Variants in ANKS1B observed in about 807,000 individuals in gnomAD.
ANKS1B encodes ankyrin repeat and sterile alpha motif domain-containing protein 1B.
Under a neutral mutation model 148.3 loss-of-function variants are expected in ANKS1B, and 36 were observed. That is an observed-to-expected ratio of 0.24 (90% CI 0.19 to 0.32). ANKS1B has a LOEUF of 0.32. Ranked by LOEUF, ANKS1B falls within the 10% of genes least tolerant of loss-of-function variation. The pLI, the probability that ANKS1B is intolerant of heterozygous loss-of-function variation, is 1.00. For synonymous variants in ANKS1B, 542 were observed against 560.8 expected (o/e 0.97, Z 0.47); for missense variants, 1,157 against 1,542.6 (o/e 0.75, Z 4.19).
intron 17 of ANKS1B, among the ~76,000 whole-genome samples, chr12:98,988,236 T>C (rs1189299908): frequency 1.3e-5 from 2 of 152,152 alleles, no homozygotes; most frequent in African/African-American, 4.8e-5. Flanking sequence ...TTGTTATCTT[T>C]TGATCAACAT....
At chr12:99,921,068 A>T (rs1478759968) in intron 1 of ANKS1B, among the ~76,000 whole-genome samples, 1 of 152,186 alleles carries the variant, frequency 6.6e-6, no homozygotes, top group Non-Finnish European at 1.5e-5. Flanking sequence ...TCTTTCTATC[A>T]GAGGCTTCAG....
At chr12:99,567,199 T>C (rs2097403952) in intron 9 of ANKS1B, among the ~76,000 whole-genome samples, 1 of 152,186 alleles carries the variant, frequency 6.6e-6, no homozygotes, top group African/African-American at 2.4e-5. Context: ...GCCGTCAGTT[T>C]ATATAAGCTG....
intron 17 of ANKS1B, among the ~76,000 whole-genome samples, chr12:98,840,564 T>G (rs554191338): frequency 6.6e-6 from 1 of 152,162 alleles, no homozygotes; most frequent in Non-Finnish European, 1.5e-5. Context: ...TATGAGGAAA[T>G]GAGATCATCT....
intron 14 of ANKS1B, chr12:99,154,906 A>G: frequency 6.5e-7 from 1 of 1,535,352 alleles, no homozygotes; most frequent in Non-Finnish European, 8.7e-7. Context: ...AATAGCCATC[A>G]GATAAGGCAG....
intron 15 of ANKS1B, among the ~76,000 whole-genome samples, chr12:99,105,997 T>A (rs2059130141): frequency 6.6e-6 from 1 of 152,156 alleles, no homozygotes; most frequent in African/African-American, 2.4e-5. Flanking sequence ...GAGTGGTTTC[T>A]AGGAATATAG....
At chr12:99,265,186 T>C (rs116471693) in intron 12 of ANKS1B, among the ~76,000 whole-genome samples, 2,180 of 152,268 alleles carry the variant, frequency 0.014, 50 homozygotes, top group African/African-American at 0.05. Flanking sequence ...GTGGTTCTCA[T>C]AGTGTGGACC....
intron 9 of ANKS1B, among the ~76,000 whole-genome samples, chr12:99,650,741 T>C (rs1320787366): frequency 6.6e-6 from 1 of 152,126 alleles, no homozygotes; most frequent in Non-Finnish European, 1.5e-5. Context: ...TTCTTGGAGA[T>C]AGAAAAATAA....
At position 98,825,032 on chromosome 12, in the gene ANKS1B, G is replaced by A. The variant is rs943272432; in HGVS notation, c.3066+4142C>T. On this transcript the variant is annotated intron_variant, in intron 19 of 26. Coordinates refer to ENST00000683438, the MANE Select transcript of ANKS1B (RefSeq NM_001352186.2). ...ATTTTAATACAGAGGCAGGCACAGG[G>A]CATCAGGGACTATAGAAGAACAAGG... Among the ~76,000 whole-genome samples the A allele has an allele frequency of 6.6e-5, 10 of 152,160 alleles. No individual in the cohort carries two copies. The East Asian group carries it at 1.5e-3, about 24-fold the overall frequency.
At chr12:99,839,769 A>G (rs1258883023) in intron 1 of ANKS1B, among the ~76,000 whole-genome samples, 7 of 152,138 alleles carry the variant, frequency 4.6e-5, no homozygotes, top group African/African-American at 1.7e-4. Context: ...TTCAGGTCAC[A>G]TGGCCCCTAC....
intron 14 of ANKS1B, among the ~76,000 whole-genome samples, chr12:99,211,196 A>G (rs1487069871): frequency 6.6e-6 from 1 of 152,238 alleles, no homozygotes; most frequent in Admixed American, 6.5e-5. Context: ...GAAAATGTAT[A>G]GGAAGCCATT....
chr12:99,442,015 T>C (rs993397596), intron 11 of ANKS1B, among the ~76,000 whole-genome samples: 2 of 151,946 alleles, frequency 1.3e-5, no homozygotes, highest in African/African-American at 4.8e-5. Context: ...TATTAACATA[T>C]ATAGGACAAT....
chr12:98,863,214 G>A (rs893157018), intron 17 of ANKS1B, among the ~76,000 whole-genome samples: 1 of 152,112 alleles, frequency 6.6e-6, no homozygotes, highest in African/African-American at 2.4e-5. Context: ...CCTCCTAATG[G>A]TAAGTGTTTA....
intron 17 of ANKS1B, among the ~76,000 whole-genome samples, chr12:98,881,103 T>C (rs1008992153): frequency 6.6e-6 from 1 of 152,206 alleles, no homozygotes; most frequent in African/African-American, 2.4e-5. Flanking sequence ...GAAAATAGTA[T>C]GGAAAGTGGA....
At chr12:99,134,125 G>A (rs979554973) in intron 15 of ANKS1B, among the ~76,000 whole-genome samples, 8 of 152,036 alleles carry the variant, frequency 5.3e-5, no homozygotes, top group Admixed American at 2.0e-4. Context: ...TATAGACAAC[G>A]ATTTTTTTCC....
chr12:99,623,678 C>A (rs1056240282), intron 9 of ANKS1B, among the ~76,000 whole-genome samples: 3 of 151,928 alleles, frequency 2.0e-5, no homozygotes, highest in African/African-American at 7.2e-5. Context: ...AATAAAATAC[C>A]TAGGAATACA....
At chr12:99,796,398 G>A (rs949951430) in intron 4 of ANKS1B, among the ~76,000 whole-genome samples, 1 of 151,988 alleles carries the variant, frequency 6.6e-6, no homozygotes, top group African/African-American at 2.4e-5. Flanking sequence ...GATAAAGGTT[G>A]GGTGGGCGGC....
At chr12:98,997,490 C>T (rs904668171) in intron 17 of ANKS1B, among the ~76,000 whole-genome samples, 2 of 151,336 alleles carry the variant, frequency 1.3e-5, no homozygotes, top group African/African-American at 4.9e-5. Context: ...CACTCTCTGC[C>T]TCCTGGGTTC....
chr12:99,307,142 T>G lies in ANKS1B; in HGVS notation c.1757-60278A>C, dbSNP rs192135072. Among the ~76,000 whole-genome samples, 134 of 152,258 alleles carry G rather than the reference T, an allele frequency of 8.8e-4. 1 individual carries two copies. Among genetic ancestry groups the G allele is most frequent in the African/African-American group, 3.2e-3 (134 of 41,584 alleles). ...TATTAGACTGAAGGTGGGGACAGAA[T>G]GAATTTAGAATCATTTTATTTTAGC... is the stretch of plus-strand genomic sequence containing the variant. On this transcript the variant is annotated intron_variant, in intron 12 of 26. Transcript: ENST00000683438.
intron 2 of ANKS1B, among the ~76,000 whole-genome samples, chr12:99,815,441 A>G (rs144281041): frequency 1.2e-3 from 176 of 151,940 alleles, no homozygotes; most frequent in African/African-American, 4.1e-3. Flanking sequence ...TGAAAAATGT[A>G]TTTATTTTAA....
Sources: allele counts gnomAD v4.1 joint callset (sites outside exome capture counted in the v4.1 genomes callset), GRCh38; gene constraint gnomAD v4.1.1; transcripts MANE v1.5; gene names NCBI Gene and HGNC (gene_info 2026-07-23, HGNC 2026-07-21).